The following CSMD3 variants were observed in gnomAD, a reference collection of about 807,000 sequenced individuals.
CSMD3 encodes CUB and sushi domain-containing protein 3.
A neutral mutation model predicts 435.2 loss-of-function variants in CSMD3; 177 were observed. The ratio of observed to expected loss-of-function variants is 0.41; its 90% CI spans 0.36 to 0.46. The LOEUF is 0.46. Ranked by LOEUF, CSMD3 falls within the 20% of genes least tolerant of loss-of-function variation. CSMD3 has a pLI of 0.34. For synonymous variants in CSMD3, 1,656 were observed against 1,520.5 expected (o/e 1.09, Z -2.07); for missense variants, 4,265 against 4,504.6 (o/e 0.95, Z 1.52).
chr8:112,335,253 T>C, intron 45 of CSMD3, 76 bp downstream of exon 45: 2 of 1,363,564 alleles, frequency 1.5e-6, no homozygotes, highest in Admixed American at 1.7e-5. Context: ...ATTGGTTAAA[T>C]ATATATTACA....
intron 10 of CSMD3, among the ~76,000 whole-genome samples, chr8:112,896,797 T>G (rs2130385970): frequency 6.6e-6 from 1 of 151,632 alleles, no homozygotes; most frequent in African/African-American, 2.4e-5. Flanking sequence ...AATGCAAATC[T>G]GAATATATAT....
intron 3 of CSMD3, among the ~76,000 whole-genome samples, chr8:113,262,574 C>A (rs531044824): frequency 6.6e-6 from 1 of 152,116 alleles, no homozygotes; most frequent in South Asian, 2.1e-4. Context: ...CTGTATAAAA[C>A]TCTTTTTAGC....
At chr8:112,436,400 A>G (rs1341703830) in intron 32 of CSMD3, among the ~76,000 whole-genome samples, 1 of 151,922 alleles carries the variant, frequency 6.6e-6, no homozygotes, top group African/African-American at 2.4e-5. Flanking sequence ...GTATACAGGA[A>G]AAGGTCCCCT....
chr8:112,544,912 A>G (rs1827012073), intron 27 of CSMD3, among the ~76,000 whole-genome samples: 1 of 152,334 alleles, frequency 6.6e-6, no homozygotes, highest in Admixed American at 6.5e-5. Flanking sequence ...GCAAGATAAT[A>G]AAGCATATTT....
intron 1 of CSMD3, among the ~76,000 whole-genome samples, chr8:113,331,120 T>C (rs982787224): frequency 2.6e-5 from 4 of 151,532 alleles, no homozygotes; most frequent in Non-Finnish European, 5.9e-5. Context: ...TCAAGAATAA[T>C]AGAGAGCACA....
chr8:113,069,935 G>A (rs1042249036), intron 5 of CSMD3, among the ~76,000 whole-genome samples: 3 of 152,202 alleles, frequency 2.0e-5, no homozygotes, highest in South Asian at 4.1e-4. Context: ...TTGCCCAAGA[G>A]AGGAGCCAAC....
At chr8:112,548,810 T>G (rs184258653) in intron 27 of CSMD3, among the ~76,000 whole-genome samples, 3 of 152,222 alleles carry the variant, frequency 2.0e-5, no homozygotes, top group African/African-American at 7.2e-5. Context: ...CAATGTAACT[T>G]TATTTCAATA....
chr8:113,168,210 T>C (rs2092191682), intron 4 of CSMD3, among the ~76,000 whole-genome samples: 1 of 152,018 alleles, frequency 6.6e-6, no homozygotes, highest in South Asian at 2.1e-4. Flanking sequence ...TTACAATGGT[T>C]TGTAATAAAA....
chr8:112,798,894 T>G (rs2078893032), intron 13 of CSMD3, among the ~76,000 whole-genome samples: 1 of 151,794 alleles, frequency 6.6e-6, no homozygotes, highest in Non-Finnish European at 1.5e-5. Context: ...AAAAGATACA[T>G]TTCAAGAAGT....
chr8:112,485,903 A>G (rs956477745), intron 31 of CSMD3, among the ~76,000 whole-genome samples: 1 of 151,618 alleles, frequency 6.6e-6, no homozygotes, highest in Admixed American at 6.6e-5. Flanking sequence ...CACTTTTGAC[A>G]GACCTTAGAG....
intron 4 of CSMD3, among the ~76,000 whole-genome samples, chr8:113,153,614 GT>G (rs1464931771): frequency 6.6e-6 from 1 of 151,986 alleles, no homozygotes; most frequent in African/African-American, 2.4e-5. Context: ...ATAAGAGAGG[GT>G]TTCTATTTAG....
chr8:112,444,524 T>G (rs145571089), intron 32 of CSMD3, among the ~76,000 whole-genome samples: 1 of 152,296 alleles, frequency 6.6e-6, no homozygotes, highest in East Asian at 1.9e-4. Flanking sequence ...CCCAGAAATT[T>G]AAAAAGTAGA....
At chr8:113,219,781 T>C (rs949433899) in intron 3 of CSMD3, among the ~76,000 whole-genome samples, 1 of 151,410 alleles carries the variant, frequency 6.6e-6, no homozygotes, top group African/African-American at 2.4e-5. Context: ...TACAATAAAA[T>C]ATGTATACAT....
At chr8:113,336,333 T>C (rs2094074831) in intron 1 of CSMD3, among the ~76,000 whole-genome samples, 1 of 152,144 alleles carries the variant, frequency 6.6e-6, no homozygotes. Context: ...AAAAAAAATG[T>C]ATTAAGTGTG....
chr8:112,751,631 T>C (rs1366420698), intron 13 of CSMD3, among the ~76,000 whole-genome samples: 1 of 141,692 alleles, frequency 7.1e-6, no homozygotes, highest in Non-Finnish European at 1.6e-5. Flanking sequence ...AGTTTAGGTT[T>C]TTTTTTTTTT....
intron 41 of CSMD3, among the ~76,000 whole-genome samples, chr8:112,342,989 ATATATATATATTTATATATATATATATT>A (rs1586823364): frequency 7.5e-5 from 3 of 40,052 alleles, no homozygotes; most frequent in Non-Finnish European, 1.2e-4. Context: ...ATATATATTT[ATATATATATATTTATATATATATATATT>A]TATATATATA....
chr8:112,437,758 A>C (rs1195889518), intron 32 of CSMD3, among the ~76,000 whole-genome samples: 1 of 152,100 alleles, frequency 6.6e-6, no homozygotes, highest in Non-Finnish European at 1.5e-5. Flanking sequence ...ATTCTTACAA[A>C]AATGTCACAA....
chr8:112,687,155 C>T (rs1027646072), intron 14 of CSMD3, among the ~76,000 whole-genome samples: 17 of 151,934 alleles, frequency 1.1e-4, no homozygotes, highest in Non-Finnish European at 2.1e-4. Flanking sequence ...GTTATTTTGA[C>T]GTTATTGAAA....
chr8:112,278,385 A>G (rs1392556200), intron 59 of CSMD3, among the ~76,000 whole-genome samples: 3 of 152,210 alleles, frequency 2.0e-5, no homozygotes, highest in African/African-American at 7.2e-5. Flanking sequence ...AGAAGTATTG[A>G]AAATTGACAT....
Sources: allele counts gnomAD v4.1 joint callset (sites outside exome capture counted in the v4.1 genomes callset), GRCh38; gene constraint gnomAD v4.1.1; transcripts MANE v1.5; gene names NCBI Gene and HGNC (gene_info 2026-07-23, HGNC 2026-07-21).